GAB3: variants seen among roughly 807,000 people sequenced by gnomAD.
GAB3 encodes the protein GRB2 associated binding protein 3, also known as GRB2-associated-binding protein 3.
GAB3 carries 12 observed loss-of-function variants against 40.4 expected under a neutral mutation model. The ratio of observed to expected loss-of-function variants is 0.30; its 90% CI spans 0.19 to 0.48. The LOEUF (loss-of-function observed/expected upper bound fraction) is 0.48, where lower values mean the gene tolerates loss of function less well. Ranked by LOEUF, GAB3 falls within the 20% of genes least tolerant of loss-of-function variation. The pLI, the probability that GAB3 is intolerant of heterozygous loss-of-function variation, is 0.99. For synonymous variants in GAB3, 154 were observed against 176.7 expected, an observed-to-expected ratio of 0.87 and a Z score of 1.02; for missense variants, 381 against 461.9, an observed-to-expected ratio of 0.82 and a Z score of 1.61.
At position 154,713,280 on chromosome X, in the gene GAB3, C is replaced by T. The variant is rs1557256742; in HGVS notation, c.523G>A (p.Glu175Lys). The change falls in exon 3 of 10, where the codon GAG becomes AAG. Residue 175 changes from glutamate to lysine, a missense_variant. Around this residue, in one of 2 missense-constraint regions of GAB3, gnomAD observed 364 missense variants for 421.0 expected, o/e 0.86. Transcript: ENST00000424127. ...NAVATEETRS[E>K]SELLFLPDYL... ...TCTGGAAGGAAGAGAAGCTCTGACT[C>T]ACTTCTGGTTTCCTCAGTGGCTACG... 1 of 1,210,814 alleles carries T rather than the reference C, an allele frequency of 8.3e-7. No homozygotes were observed. The highest frequency in any genetic ancestry group is 1.1e-6 in the Non-Finnish European group (1 of 895,061).
chrX:154,740,121 GT>G (rs782546727), intron 1 of GAB3, among the ~76,000 whole-genome samples: 21 of 111,755 alleles, frequency 1.9e-4, no homozygotes, highest in African/African-American at 6.8e-4. Flanking sequence ...ACTTCTAAGA[GT>G]TTTTTTTACA....
intron 4 of GAB3, among the ~76,000 whole-genome samples, chrX:154,702,549 C>T (rs2070753353): frequency 8.9e-6 from 1 of 111,854 alleles, no homozygotes; most frequent in African/African-American, 3.2e-5. Flanking sequence ...ACAACCAAAG[C>T]AAAAATGGAC....
chrX:154,718,746 G>T (rs1473909628), intron 1 of GAB3, among the ~76,000 whole-genome samples: 2 of 111,452 alleles, frequency 1.8e-5, no homozygotes, highest in African/African-American at 6.5e-5. Context: ...GCTTTCATGG[G>T]GAGGGAGCAT....
chrX:154,699,967 A>G (rs1306469476), intron 5 of GAB3, 37 bp downstream of exon 5: 2 of 1,137,160 alleles, frequency 1.8e-6, no homozygotes, highest in African/African-American at 3.6e-5. Flanking sequence ...GTTTTTGGTA[A>G]AATTGATGCT....
intron 6 of GAB3, among the ~76,000 whole-genome samples, chrX:154,698,131 A>C (rs2070688744): frequency 8.9e-6 from 1 of 112,578 alleles, no homozygotes; most frequent in African/African-American, 3.2e-5. Context: ...ACATTAGCCA[A>C]ATTTCAAGGG....
intron 1 of GAB3, among the ~76,000 whole-genome samples, chrX:154,742,564 C>T (rs1039728143): frequency 1.7e-4 from 19 of 110,617 alleles, no homozygotes; most frequent in South Asian, 3.8e-4. Context: ...TTCATGCCAT[C>T]GTAAAGCAAA....
At chrX:154,744,001 G>A (rs1350924292) in intron 1 of GAB3, among the ~76,000 whole-genome samples, 1 of 110,411 alleles carries the variant, frequency 9.1e-6, no homozygotes, top group Non-Finnish European at 1.9e-5. Context: ...GGATCACGAG[G>A]TCAAGAGATC....
intron 1 of GAB3, among the ~76,000 whole-genome samples, chrX:154,744,656 A>G (rs928884431): frequency 8.9e-6 from 1 of 112,579 alleles, no homozygotes; most frequent in African/African-American, 3.2e-5. Flanking sequence ...CAGTAAGGAT[A>G]CAGAAGAACT....
intron 8 of GAB3, among the ~76,000 whole-genome samples, chrX:154,684,787 C>T (rs1434880960): frequency 3.6e-5 from 4 of 111,488 alleles, no homozygotes; most frequent in African/African-American, 1.3e-4. Context: ...TTTTATTATA[C>T]TAACCTGCTT....
At chrX:154,745,969 T>C (rs1419949863) in intron 1 of GAB3, among the ~76,000 whole-genome samples, 1 of 108,173 alleles carries the variant, frequency 9.2e-6, no homozygotes, top group Non-Finnish European at 1.9e-5. Context: ...GGAGAATCTC[T>C]TGAACCCAGG....
At chrX:154,737,406 G>A (rs1328818628) in intron 1 of GAB3, among the ~76,000 whole-genome samples, 1 of 110,730 alleles carries the variant, frequency 9.0e-6, no homozygotes, top group East Asian at 2.8e-4. Flanking sequence ...CTCTAACTGC[G>A]GTATCTCCCA....
At chrX:154,681,086 T>A (rs782647098) in intron 8 of GAB3, among the ~76,000 whole-genome samples, 4 of 112,271 alleles carry the variant, frequency 3.6e-5, no homozygotes, top group Non-Finnish European at 3.8e-5. Flanking sequence ...TTCATGCACC[T>A]GTGGGAGAAA....
chrX:154,684,325 C>T (rs1488463872), intron 8 of GAB3, among the ~76,000 whole-genome samples: 2 of 111,657 alleles, frequency 1.8e-5, no homozygotes, highest in Non-Finnish European at 3.8e-5. Context: ...GCCTTATGAT[C>T]CTTTGTAGTA....
intron 1 of GAB3, among the ~76,000 whole-genome samples, chrX:154,723,536 G>A (rs1181420999): frequency 2.7e-5 from 3 of 111,592 alleles, no homozygotes; most frequent in Non-Finnish European, 5.7e-5. Flanking sequence ...GGGATGTTAG[G>A]ACCTGAGGGC....
At chrX:154,686,964 C>T (rs932518387) in intron 8 of GAB3, among the ~76,000 whole-genome samples, 7 of 110,198 alleles carry the variant, frequency 6.4e-5, no homozygotes, top group African/African-American at 1.3e-4. Context: ...CTGAGGCAGA[C>T]GGATCACTTG....
Position 154,712,663 on chromosome X carries a change from C to T in GAB3, c.635G>A (p.Arg212His), listed in dbSNP as rs2070972759. The T allele has an allele frequency of 2.6e-6, 3 of 1,132,787 alleles. No homozygotes were observed. The highest frequency in any genetic ancestry group is 2.3e-6 in the Non-Finnish European group (2 of 857,615). 93.4% of individuals were successfully genotyped at this position (1,132,787 alleles called of 1,213,427 possible). Residue 212 changes from arginine (R) to histidine (H), a missense_variant, in exon 4 of 10, where the codon CGT becomes CAT. Around this residue, in one of 2 missense-constraint regions of GAB3, gnomAD observed 364 missense variants for 421.0 expected, o/e 0.86. Coordinates refer to ENST00000424127, the MANE Select transcript of GAB3 (RefSeq NM_001081573.3). ...ATCAAATGAAGCCTGTTCCAATGAA[C>T]GGTCTGAGTTTGACCAGCTATCACA... ...TRCDSWSNSD[R>H]SLEQASFDDV...
chrX:154,712,851 C>A, intron 3 of GAB3, 150 bp from the exon 4 acceptor site: 1 of 409,485 alleles, frequency 2.4e-6, no homozygotes, highest in South Asian at 5.5e-5. Context: ...ACACCAACCC[C>A]TTGGTGTGGC....
chrX:154,749,897 T>C (rs2071585856), intron 1 of GAB3, among the ~76,000 whole-genome samples: 1 of 112,937 alleles, frequency 8.9e-6, no homozygotes, highest in Non-Finnish European at 1.9e-5. Flanking sequence ...GTGCCTCATC[T>C]ATGTGGGAAC....
At chrX:154,695,864 A>T in intron 8 of GAB3, 53 bp downstream of exon 8, 1 of 739,109 alleles carries the variant, frequency 1.4e-6, no homozygotes, top group Non-Finnish European at 2.1e-6. Flanking sequence ...ATGAGCTCAT[A>T]AGACTACAGA....
Sources: gnomAD v4.1 joint callset for allele counts (sites outside exome capture counted in the v4.1 genomes callset) on GRCh38, gnomAD v4.1.1 for gene constraint, gnomAD v4.1.1 regional missense constraint, MANE v1.5 for transcripts, NCBI Gene and HGNC (gene_info 2026-07-23, HGNC 2026-07-21) for gene names.